PTPRT: variants seen among roughly 807,000 people sequenced by gnomAD.
PTPRT encodes protein tyrosine phosphatase receptor type T.
A neutral mutation model predicts 176.8 loss-of-function variants in PTPRT; 56 were observed. The ratio of observed to expected loss-of-function variants is 0.32; its 90% CI spans 0.26 to 0.40. PTPRT has a LOEUF of 0.40. PTPRT is among the 10% of genes least tolerant of loss of function. The pLI is 1.00. For synonymous variants in PTPRT, 783 were observed against 739.0 expected (o/e 1.06, Z -0.96); for missense variants, 1,540 against 1,908.2 (o/e 0.81, Z 3.60).
At chr20:42,224,539 A>G (rs563077659) in intron 15 of PTPRT, among the ~76,000 whole-genome samples, 18 of 152,368 alleles carry the variant, frequency 1.2e-4, no homozygotes, top group Middle Eastern at 3.4e-3. Flanking sequence ...GTTCTGGGCC[A>G]AATGGCCAGG....
intron 6 of PTPRT, among the ~76,000 whole-genome samples, chr20:42,682,251 T>G (rs2075616105): frequency 6.6e-6 from 1 of 152,166 alleles, no homozygotes; most frequent in Non-Finnish European, 1.5e-5. Flanking sequence ...ACAGAAGTAT[T>G]TTTATGCATA....
intron 15 of PTPRT, among the ~76,000 whole-genome samples, chr20:42,217,044 AT>A (rs1403690743): frequency 6.6e-6 from 1 of 152,126 alleles, no homozygotes; most frequent in East Asian, 1.9e-4. Flanking sequence ...ATCACATACC[AT>A]TTATCTTCCA....
intron 1 of PTPRT, among the ~76,000 whole-genome samples, chr20:43,128,903 TTCA>T (rs2146374573): frequency 6.6e-6 from 1 of 152,322 alleles, no homozygotes; most frequent in Non-Finnish European, 1.5e-5. Flanking sequence ...CCTATCACCC[TTCA>T]TCACAATTTT....
intron 6 of PTPRT, among the ~76,000 whole-genome samples, chr20:42,707,942 C>T (rs181161960): frequency 2.6e-5 from 4 of 152,126 alleles, no homozygotes; most frequent in Non-Finnish European, 5.9e-5. Context: ...ACTCTGAGAT[C>T]ATAAATTATT....
chr20:43,161,032 C>T (rs1423965227), intron 1 of PTPRT, among the ~76,000 whole-genome samples: 6 of 152,140 alleles, frequency 3.9e-5, no homozygotes, highest in African/African-American at 4.8e-5. Flanking sequence ...GGGATTACAG[C>T]CATGAGCCAC....
In PTPRT at chr20:42,284,842, TA is replaced by T. The variant is rs199843063; in HGVS notation, c.2140-2318del. On this transcript the variant is annotated intron_variant, in intron 12 of 30. Transcript: ENST00000373187. ...TATAAAGTAGATAATTTGGAAATGTTAAAAAAATGACAAGTCATGGTTCAAG... is the reference window on the plus strand; with the variant it reads ...TATAAAGTAGATAATTTGGAAATGTTAAAAAATGACAAGTCATGGTTCAAG... Among the ~76,000 whole-genome samples, 486 of 151,608 alleles carry T rather than the reference TA, an allele frequency of 3.2e-3. 7 individuals are homozygous for T. The highest frequency in any genetic ancestry group is 0.01 in the African/African-American group (423 of 41,382).
the PTPRT span, among the ~76,000 whole-genome samples, chr20:42,051,962 A>G: frequency 2.0e-5 from 3 of 152,358 alleles, no homozygotes; most frequent in South Asian, 6.2e-4. Flanking sequence ...AATTTCCTCG[A>G]GACCTGGCTC....
At chr20:43,104,914 A>G (rs2012536183) in intron 1 of PTPRT, among the ~76,000 whole-genome samples, 1 of 152,176 alleles carries the variant, frequency 6.6e-6, no homozygotes, top group South Asian at 2.1e-4. Flanking sequence ...ATTACAACCT[A>G]TCTCAAATTA....
intron 1 of PTPRT, among the ~76,000 whole-genome samples, chr20:42,894,368 C>G: frequency 6.6e-6 from 1 of 152,148 alleles, no homozygotes; most frequent in East Asian, 1.9e-4. Context: ...CAGATCCCAA[C>G]TAGATCTGAG....
chr20:42,912,863 G>A (rs1308810544), intron 1 of PTPRT, among the ~76,000 whole-genome samples: 1 of 152,142 alleles, frequency 6.6e-6, no homozygotes, highest in Non-Finnish European at 1.5e-5. Context: ...CTGTTCCACT[G>A]ATCTATGTGC....
intron 11 of PTPRT, among the ~76,000 whole-genome samples, chr20:42,337,882 T>C (rs2058062178): frequency 6.6e-6 from 1 of 152,204 alleles, no homozygotes; most frequent in Admixed American, 6.5e-5. Context: ...GCCTTGGTCC[T>C]GATGCCTACT....
intron 2 of PTPRT, among the ~76,000 whole-genome samples, chr20:42,845,375 C>A (rs1404772092): frequency 6.6e-6 from 1 of 152,158 alleles, no homozygotes; most frequent in Non-Finnish European, 1.5e-5. Flanking sequence ...TCCATATATG[C>A]AGGTTTATGA....
chr20:42,701,647 T>C (rs117751840), intron 6 of PTPRT, among the ~76,000 whole-genome samples: 1 of 152,074 alleles, frequency 6.6e-6, no homozygotes, highest in East Asian at 1.9e-4. Context: ...CTTGAAATGG[T>C]GTGCACAAAT....
chr20:42,282,826 A>G (rs1284686372), intron 12 of PTPRT, among the ~76,000 whole-genome samples: 3 of 152,140 alleles, frequency 2.0e-5, no homozygotes, highest in African/African-American at 4.8e-5. Context: ...CCCAGCACTC[A>G]TCATCTTTAA....
intron 1 of PTPRT, among the ~76,000 whole-genome samples, chr20:43,038,350 T>C (rs775184303): frequency 1.6e-4 from 24 of 152,200 alleles, no homozygotes; most frequent in Non-Finnish European, 2.8e-4. Flanking sequence ...ACAACAATGG[T>C]TTAATATTTA....
chr20:42,649,097 G>C (rs889328836), intron 7 of PTPRT, among the ~76,000 whole-genome samples: 3 of 152,022 alleles, frequency 2.0e-5, no homozygotes, highest in Non-Finnish European at 4.4e-5. Flanking sequence ...AGGATTACAG[G>C]CCTGAGCCAC....
intron 9 of PTPRT, among the ~76,000 whole-genome samples, chr20:42,428,388 C>T (rs6102830): frequency 0.11 from 16,215 of 152,156 alleles, 1,015 homozygotes; most frequent in East Asian, 0.23. Flanking sequence ...CATGAACTGC[C>T]ATGGTTCTTG....
intron 17 of PTPRT, among the ~76,000 whole-genome samples, chr20:42,161,147 G>A (rs886549817): frequency 2.0e-5 from 3 of 152,196 alleles, no homozygotes; most frequent in African/African-American, 7.2e-5. Flanking sequence ...CAAATTTAAT[G>A]TGTATACAAA....
intron 16 of PTPRT, among the ~76,000 whole-genome samples, chr20:42,179,819 G>C (rs1363683809): frequency 2.6e-5 from 4 of 152,180 alleles, no homozygotes; most frequent in East Asian, 3.9e-4. Context: ...TGGGGGGCTG[G>C]AGCAATCACC....
Sources: gnomAD v4.1 joint callset for allele counts (sites outside exome capture counted in the v4.1 genomes callset) on GRCh38, gnomAD v4.1.1 for gene constraint, MANE v1.5 for transcripts, NCBI Gene and HGNC (gene_info 2026-07-23, HGNC 2026-07-21) for gene names.